The following CUX2 variants were observed in gnomAD, a reference collection of about 807,000 sequenced individuals.
CUX2 encodes the protein cut like homeobox 2.
A neutral mutation model predicts 144.8 loss-of-function variants in CUX2; 40 were observed. That is an observed-to-expected ratio of 0.28 (90% confidence interval 0.21 to 0.36). CUX2 has a LOEUF of 0.36. Ranked by LOEUF, CUX2 falls within the 10% of genes least tolerant of loss-of-function variation. The pLI is 1.00. For synonymous variants in CUX2, 827 were observed against 875.6 expected, an observed-to-expected ratio of 0.94 and a Z score of 0.98; for missense variants, 1,615 against 1,994.0, an observed-to-expected ratio of 0.81 and a Z score of 3.62.
chr12:111,319,053 C>A (rs1887362890), intron 16 of CUX2, among the ~76,000 whole-genome samples: 1 of 152,130 alleles, frequency 6.6e-6, no homozygotes, highest in Non-Finnish European at 1.5e-5. Context: ...GTGGCTCGAG[C>A]CTGTAATCTC....
chr12:111,285,781 G>A (rs937684086), intron 4 of CUX2, among the ~76,000 whole-genome samples: 3 of 152,188 alleles, frequency 2.0e-5, no homozygotes, highest in African/African-American at 7.2e-5. Flanking sequence ...CCGTGGAAAG[G>A]GCCTTGGCCG....
chr12:111,205,099 G>T (rs1880836912), intron 1 of CUX2, among the ~76,000 whole-genome samples: 1 of 152,136 alleles, frequency 6.6e-6, no homozygotes, highest in Non-Finnish European at 1.5e-5. Context: ...CTGTCTCCCA[G>T]CCACGGCTCA....
intron 1 of CUX2, among the ~76,000 whole-genome samples, chr12:111,095,476 T>C (rs1351877011): frequency 6.6e-6 from 1 of 152,036 alleles, no homozygotes; most frequent in Non-Finnish European, 1.5e-5. Context: ...AAAAAATGGA[T>C]GAAGGTTAGA....
chr12:111,230,674 G>A (rs529232169), intron 3 of CUX2, among the ~76,000 whole-genome samples: 1 of 152,334 alleles, frequency 6.6e-6, no homozygotes, highest in South Asian at 2.1e-4. Flanking sequence ...AGATTCTGGT[G>A]ATTCACATGT....
chr12:111,087,954 C>T (rs528984143), intron 1 of CUX2, among the ~76,000 whole-genome samples: 1 of 152,086 alleles, frequency 6.6e-6, no homozygotes, highest in Non-Finnish European at 1.5e-5. Context: ...CACCGAGGAG[C>T]ACTACTCAGT....
Position 111,190,867 on chromosome 12 carries a change from C to T in CUX2, c.64-23333C>T, listed in dbSNP as rs1229939137. ...ACTCCTGCCATGAAACTGACACCCT[C>T]CAAGGACCCTCCTCACACTCACCTC... On this transcript the variant is annotated intron_variant, in intron 1 of 21. Coordinates refer to ENST00000261726, the MANE Select transcript of CUX2 (RefSeq NM_015267.4). This position sits in a 1 kb window ranked among gnomAD's most constrained non-coding sequence, Gnocchi z 4.0. Among the ~76,000 whole-genome samples, 1 of 152,190 alleles carries T rather than the reference C, an allele frequency of 6.6e-6. No homozygotes were observed. Among genetic ancestry groups the T allele is most frequent in the Non-Finnish European group, 1.5e-5 (1 of 68,028 alleles).
At chr12:111,131,036 G>A (rs116365963) in intron 1 of CUX2, among the ~76,000 whole-genome samples, 1 of 152,124 alleles carries the variant, frequency 6.6e-6, no homozygotes, top group Non-Finnish European at 1.5e-5. Context: ...CACCTCATGG[G>A]TCACTTTTTT....
At chr12:111,226,866 G>C (rs1257325731) in intron 3 of CUX2, among the ~76,000 whole-genome samples, 1 of 152,224 alleles carries the variant, frequency 6.6e-6, no homozygotes, top group African/African-American at 2.4e-5. Flanking sequence ...GCCATGGTAG[G>C]CTTTCGTGTA....
At position 111,277,011 on chromosome 12, in the gene CUX2, G is replaced by C. The variant is rs184819120; in HGVS notation, c.301+13172G>C. Among the ~76,000 whole-genome samples, 1 of 152,156 alleles carries C rather than the reference G, an allele frequency of 6.6e-6. No homozygotes were observed. Among genetic ancestry groups the C allele is most frequent in the Non-Finnish European group, 1.5e-5 (1 of 68,016 alleles). On this transcript the variant is annotated intron_variant, in intron 4 of 21. Coordinates refer to ENST00000261726, the MANE Select transcript of CUX2 (RefSeq NM_015267.4). The surrounding 1 kb of genome is among the most constrained non-coding windows in gnomAD (Gnocchi z 5.0). ...AAGTGCTGGCACTTGTTGGAGGTGC[G>C]GTCAAGAAATTCCAGTTCCTCTGAG...
At chr12:111,198,783 G>A (rs1348608776) in intron 1 of CUX2, among the ~76,000 whole-genome samples, 1 of 152,246 alleles carries the variant, frequency 6.6e-6, no homozygotes, top group Non-Finnish European at 1.5e-5. Flanking sequence ...TACTGCACAT[G>A]CAAATGCCCT....
intron 1 of CUX2, among the ~76,000 whole-genome samples, chr12:111,038,812 T>C (rs763184153): frequency 2.0e-5 from 3 of 151,624 alleles, no homozygotes; most frequent in Non-Finnish European, 4.4e-5. Flanking sequence ...GAATTCACTG[T>C]AGAAAATGGA....
chr12:111,087,978 G>T (rs918186321), intron 1 of CUX2, among the ~76,000 whole-genome samples: 1 of 152,138 alleles, frequency 6.6e-6, no homozygotes, highest in Non-Finnish European at 1.5e-5. Context: ...GAAAAGGAAC[G>T]AACTATTGAT....
intron 3 of CUX2, among the ~76,000 whole-genome samples, chr12:111,240,190 A>C (rs931650229): frequency 2.0e-5 from 3 of 152,214 alleles, no homozygotes; most frequent in African/African-American, 7.2e-5. Context: ...ATTTGAGCCC[A>C]GGCTCACTAG....
At chr12:111,089,850 C>T (rs1239501238) in intron 1 of CUX2, among the ~76,000 whole-genome samples, 1 of 152,218 alleles carries the variant, frequency 6.6e-6, no homozygotes, top group Non-Finnish European at 1.5e-5. Context: ...CCTAGGTCTC[C>T]TCTTCAGTTA....
At chr12:111,149,072 G>T (rs1169161041) in intron 1 of CUX2, among the ~76,000 whole-genome samples, 1 of 152,120 alleles carries the variant, frequency 6.6e-6, no homozygotes, top group Non-Finnish European at 1.5e-5. Context: ...GGTTCAGAGA[G>T]GCTAAATCAT....
In CUX2 at chr12:111,291,427, C is replaced by T. The variant is rs1466320148; in HGVS notation, c.311C>T (p.Pro104Leu). 9 of 1,610,272 alleles carry T rather than the reference C, an allele frequency of 5.6e-6. No individual in the cohort carries two copies. In the South Asian group the frequency reaches 1.0e-4, roughly 18 times the overall value. ...TTCTCTCCCTGCACAGACCCCGTGC[C>T]TGTGTTTGAGGCGGCACGCAGCCTA... ...KQLIEAPDPVPVFEAARSLDD... is the reference protein window; with the variant it reads ...KQLIEAPDPVLVFEAARSLDD... The change falls in exon 5 of 22, where the codon CCT becomes CTT. Residue 104 changes from proline to leucine, a missense_variant. Transcript: ENST00000261726.
chr12:111,162,708 C>T (rs918521712), intron 1 of CUX2, among the ~76,000 whole-genome samples: 1 of 152,164 alleles, frequency 6.6e-6, no homozygotes, highest in Admixed American at 6.5e-5. Context: ...ACTGAAGCTT[C>T]CAGAAGACCC....
Position 111,334,560 on chromosome 12 carries a change from G to C in CUX2, c.3046G>C (p.Glu1016Gln). The change falls in exon 19 of 22, where the codon GAG becomes CAG. Residue 1016 changes from glutamate (E) to glutamine (Q), a missense_variant. By Grantham distance (29) the Glu-to-Gln change is conservative (BLOSUM62 2). Transcript: ENST00000261726. ...GAGCAGCAAGGAGAACCAGCAGCCA[G>C]AGGGCCGCTCCAGCTCCTCGTTGAG... is the stretch of plus-strand genomic sequence containing the variant. The part of the protein sequence containing the change: ...LESSKENQQP[E>Q]GRSSSSLSGK... 6.2e-7 allele frequency: 1 copy of C among 1,614,024 alleles called. No individual in the cohort carries two copies. Among genetic ancestry groups the C allele is most frequent in the Non-Finnish European group, 8.5e-7 (1 of 1,180,020 alleles).
chr12:111,064,081 A>C (rs1870921716), intron 1 of CUX2, among the ~76,000 whole-genome samples: 1 of 152,202 alleles, frequency 6.6e-6, no homozygotes, highest in Non-Finnish European at 1.5e-5. Flanking sequence ...CTTTACCTCA[A>C]AATCAAGGTA....
Sources: gnomAD v4.1 joint callset for allele counts (sites outside exome capture counted in the v4.1 genomes callset) on GRCh38, gnomAD v4.1.1 for gene constraint, Gnocchi (gnomAD v3.1) non-coding constraint, MANE v1.5 for transcripts, NCBI Gene and HGNC (gene_info 2026-07-23, HGNC 2026-07-21) for gene names.